Variants in SARNP observed in about 807,000 individuals in gnomAD.
SARNP encodes SAP domain containing ribonucleoprotein.
Under a neutral mutation model 38.1 loss-of-function variants are expected in SARNP, and 5 were observed. That is an observed-to-expected ratio of 0.13 (90% CI 0.07 to 0.28). The LOEUF is 0.28. Among genes scored for constraint, SARNP ranks in the 10% least tolerant of loss-of-function variants. The pLI, the probability that SARNP is intolerant of heterozygous loss-of-function variation, is 1.00. For synonymous variants in SARNP, 84 were observed against 80.6 expected (o/e 1.04, Z -0.23); for missense variants, 180 against 243.9 (o/e 0.74, Z 1.75).
Position 55,803,083 on chromosome 12 carries a change from A to G in SARNP, c.136+546T>C, listed in dbSNP as rs374326702. Among the ~76,000 whole-genome samples, 39 of 152,340 alleles carry G rather than the reference A, an allele frequency of 2.6e-4. No individual in the cohort carries two copies. In the East Asian group the frequency reaches 5.0e-3, roughly 20 times the overall value. On this transcript the variant is annotated intron_variant, in intron 2 of 10. Coordinates refer to ENST00000336133, the MANE Select transcript of SARNP (RefSeq NM_033082.4). The stretch of plus-strand genomic sequence containing the variant: ...CCAAAAAAATACATTCAAACACATT[A>G]GAACGGGTGCCTAAATGGGTTGGGG...
intron 10 of SARNP, 63 bp downstream of exon 10, chr12:55,760,488 C>T (rs763618432): frequency 2.3e-6 from 2 of 888,494 alleles, no homozygotes; most frequent in Admixed American, 1.9e-5. Context: ...AATATTTCTC[C>T]ATTCAGTTTA....
At chr12:55,770,131 C>T (rs1211480092) in intron 9 of SARNP, among the ~76,000 whole-genome samples, 4 of 152,046 alleles carry the variant, frequency 2.6e-5, no homozygotes, top group Non-Finnish European at 5.9e-5. Flanking sequence ...CCCTTAAGAA[C>T]GTACTCCTCT....
downstream of SARNP, chr12:55,752,819 T>G (rs1878366465): frequency 6.6e-6 from 1 of 151,930 alleles, no homozygotes; most frequent in South Asian, 2.1e-4. Context: ...GATGGTCACA[T>G]GACACAATCC....
chr12:55,809,064 G>A (rs1051933115), intron 1 of SARNP, among the ~76,000 whole-genome samples: 3 of 151,980 alleles, frequency 2.0e-5, no homozygotes, highest in African/African-American at 7.3e-5. Flanking sequence ...AAAACAGCCA[G>A]GCATGGTGGC....
chr12:55,766,780 G>T (rs948670501), intron 9 of SARNP, among the ~76,000 whole-genome samples: 2 of 151,970 alleles, frequency 1.3e-5, no homozygotes, highest in African/African-American at 2.4e-5. Flanking sequence ...AAGCCAACAC[G>T]CCCAACTAAT....
chr12:55,765,701 C>G lies in SARNP; in HGVS notation c.502-5061G>C, dbSNP rs539651635. Among the ~76,000 whole-genome samples, 10 of 152,250 alleles carry G rather than the reference C, an allele frequency of 6.6e-5. No individual in the cohort carries two copies. The South Asian group carries it at 1.9e-3, about 28-fold the overall frequency. ...TCTTCAGGAGATACAGGCAGAGCATCTGTTCTAAACCCATTAGGGGTTCCA... is the reference window on the plus strand; with the variant it reads ...TCTTCAGGAGATACAGGCAGAGCATGTGTTCTAAACCCATTAGGGGTTCCA... On this transcript the variant is annotated intron_variant, in intron 9 of 10. Transcript: ENST00000336133.
At chr12:55,803,067 T>C (rs528196554) in intron 2 of SARNP, among the ~76,000 whole-genome samples, 5 of 151,790 alleles carry the variant, frequency 3.3e-5, no homozygotes, top group African/African-American at 9.7e-5. Context: ...ACCAAAAAAA[T>C]ACATTCAAAC....
At chr12:55,779,917 C>T (rs550288596) in intron 9 of SARNP, among the ~76,000 whole-genome samples, 4 of 152,104 alleles carry the variant, frequency 2.6e-5, no homozygotes, top group African/African-American at 7.2e-5. Context: ...GAGACCAAGG[C>T]GGGAGGATCA....
chr12:55,789,870 G>C (rs938095905), intron 8 of SARNP, among the ~76,000 whole-genome samples: 1 of 151,128 alleles, frequency 6.6e-6, no homozygotes, highest in Non-Finnish European at 1.5e-5. Flanking sequence ...CTTGAACCCG[G>C]GAGGCGGAGG....
chr12:55,781,828 T>C (rs1232537077), intron 9 of SARNP, among the ~76,000 whole-genome samples: 1 of 152,142 alleles, frequency 6.6e-6, no homozygotes, highest in Non-Finnish European at 1.5e-5. Flanking sequence ...AAGCAATGCC[T>C]TCCCCTCGGC....
intron 1 of SARNP, among the ~76,000 whole-genome samples, chr12:55,812,302 A>G (rs1387046265): frequency 1.3e-5 from 2 of 151,970 alleles, no homozygotes; most frequent in African/African-American, 2.4e-5. Flanking sequence ...TGTACTCCCT[A>G]TTCCTTTCTC....
chr12:55,780,507 A>AAAAG (rs1196434412), intron 9 of SARNP, among the ~76,000 whole-genome samples: 1 of 151,930 alleles, frequency 6.6e-6, no homozygotes, highest in Non-Finnish European at 1.5e-5. Flanking sequence ...AAAAGAAAAG[A>AAAAG]AAAGAAAGAA....
intron 9 of SARNP, among the ~76,000 whole-genome samples, chr12:55,769,014 G>A (rs1878929717): frequency 1.3e-5 from 2 of 152,220 alleles, no homozygotes; most frequent in African/African-American, 2.4e-5. Context: ...ACCATGCCAG[G>A]CCAAACTATC....
downstream of SARNP, chr12:55,755,410 A>C (rs2136172254): frequency 6.6e-6 from 1 of 152,334 alleles, no homozygotes; most frequent in Middle Eastern, 3.4e-3. Flanking sequence ...CAGCTGAGGA[A>C]GCTAGTTCTC....
At chr12:55,777,916 C>T (rs781090408) in intron 9 of SARNP, among the ~76,000 whole-genome samples, 4 of 152,160 alleles carry the variant, frequency 2.6e-5, no homozygotes, top group Non-Finnish European at 4.4e-5. Flanking sequence ...TTCCAAATTC[C>T]TATAGCCAAG....
At chr12:55,759,798 C>G (rs1021341191) in intron 10 of SARNP, among the ~76,000 whole-genome samples, 1 of 151,872 alleles carries the variant, frequency 6.6e-6, no homozygotes, top group South Asian at 2.1e-4. Flanking sequence ...AGTACAGTGG[C>G]GCCATCCAGG....
chr12:55,810,675 A>G (rs1592584023), intron 1 of SARNP, among the ~76,000 whole-genome samples: 1 of 146,150 alleles, frequency 6.8e-6, no homozygotes, highest in Non-Finnish European at 1.5e-5. Flanking sequence ...CTGGTCTTGA[A>G]CTCCTGACCT....
At chr12:55,778,530 A>G (rs1249158245) in intron 9 of SARNP, among the ~76,000 whole-genome samples, 1 of 151,964 alleles carries the variant, frequency 6.6e-6, no homozygotes, top group African/African-American at 2.4e-5. Flanking sequence ...TCTTTTTTTT[A>G]TCTTAAAGGG....
chr12:55,755,669 A>G (rs1322537227), downstream of SARNP: 3 of 152,236 alleles, frequency 2.0e-5, no homozygotes, highest in Non-Finnish European at 2.9e-5. Flanking sequence ...ATTCATGCTC[A>G]AAGAGTATGT....
Sources: allele counts gnomAD v4.1 joint callset (sites outside exome capture counted in the v4.1 genomes callset), GRCh38; gene constraint gnomAD v4.1.1; transcripts MANE v1.5; gene names NCBI Gene and HGNC (gene_info 2026-07-23, HGNC 2026-07-21).